The following SUGCT variants were observed in gnomAD, a reference collection of about 807,000 sequenced individuals.
SUGCT encodes the protein succinyl-CoA:glutarate-CoA transferase.
Under a neutral mutation model 55.0 loss-of-function variants are expected in SUGCT, and 41 were observed. The observed-to-expected ratio is 0.74, with a 90% CI of 0.58 to 0.97. SUGCT has a LOEUF of 0.97. Among genes scored for constraint, SUGCT ranks in the 50% least tolerant of loss-of-function variants. The pLI is 0.00. For synonymous variants in SUGCT, 187 were observed against 200.4 expected (o/e 0.93, Z 0.56); for missense variants, 568 against 547.8 (o/e 1.04, Z -0.37).
the SUGCT span, among the ~76,000 whole-genome samples, chr7:40,912,380 C>G: frequency 6.6e-6 from 1 of 152,142 alleles, no homozygotes; most frequent in Non-Finnish European, 1.5e-5. Flanking sequence ...TGTGATTTAT[C>G]TGTTGCTGAG....
intron 12 of SUGCT, among the ~76,000 whole-genome samples, chr7:40,544,456 A>T (rs903097442): frequency 1.3e-5 from 2 of 152,192 alleles, no homozygotes; most frequent in Non-Finnish European, 2.9e-5. Context: ...GGGACTTTCC[A>T]TGTGCATTTT....
intron 9 of SUGCT, among the ~76,000 whole-genome samples, chr7:40,403,535 C>T (rs371530273): frequency 6.6e-6 from 1 of 152,098 alleles, no homozygotes; most frequent in Non-Finnish European, 1.5e-5. Flanking sequence ...CTTTTTAACT[C>T]TCAGTATGTT....
chr7:40,334,574 C>T (rs1796566536), intron 9 of SUGCT, among the ~76,000 whole-genome samples: 1 of 152,098 alleles, frequency 6.6e-6, no homozygotes, highest in Non-Finnish European at 1.5e-5. Flanking sequence ...CTGTTCATAT[C>T]CTTCGCTCAC....
intron 13 of SUGCT, among the ~76,000 whole-genome samples, chr7:40,834,723 G>A (rs1792871948): frequency 1.3e-5 from 2 of 152,154 alleles, no homozygotes; most frequent in Non-Finnish European, 2.9e-5. Flanking sequence ...CCAGAATGAT[G>A]AAAGACTTAT....
At chr7:40,554,316 G>C (rs1171954998) in intron 12 of SUGCT, among the ~76,000 whole-genome samples, 1 of 152,182 alleles carries the variant, frequency 6.6e-6, no homozygotes, top group African/African-American at 2.4e-5. Context: ...AACAGATCTG[G>C]AGAGTTTAGT....
chr7:40,858,047 C>T (rs757281087), intron 13 of SUGCT, among the ~76,000 whole-genome samples: 4 of 152,034 alleles, frequency 2.6e-5, no homozygotes, highest in Non-Finnish European at 4.4e-5. Context: ...ACATTTAAAC[C>T]TCCATTTCCT....
the SUGCT span, among the ~76,000 whole-genome samples, chr7:40,876,547 G>T: frequency 6.6e-6 from 1 of 152,188 alleles, no homozygotes; most frequent in Non-Finnish European, 1.5e-5. Flanking sequence ...TGTATACCAA[G>T]TTGAAAATAT....
At chr7:40,140,363 A>G (rs1323462256) in intron 1 of SUGCT, among the ~76,000 whole-genome samples, 1 of 151,916 alleles carries the variant, frequency 6.6e-6, no homozygotes, top group Non-Finnish European at 1.5e-5. Context: ...ATGTGGGTTT[A>G]TTTCTGGGTT....
intron 8 of SUGCT, among the ~76,000 whole-genome samples, chr7:40,314,216 A>G (rs1795307470): frequency 6.6e-6 from 1 of 152,194 alleles, no homozygotes; most frequent in Non-Finnish European, 1.5e-5. Flanking sequence ...TCTTAGATCA[A>G]TTTAGGATTT....
chr7:40,274,557 C>A lies in SUGCT; in HGVS notation c.621C>A (p.Ala207=). The A allele has an allele frequency of 6.2e-7, 1 of 1,613,622 alleles. No homozygotes were observed. Among genetic ancestry groups the A allele is most frequent in the Non-Finnish European group, 8.5e-7 (1 of 1,179,724 alleles). The change falls in exon 8 of 14, where the codon GCC becomes GCA. Residue 207 remains alanine (A), a synonymous_variant. Transcript: ENST00000335693. ...VRPGVAMTDL[A]TGLYAYGAIM... is the part of the protein sequence containing the mutation. ...CAGGAGTAGCTATGACTGATCTTGC[C>A]ACTGGCCTGTATGCATATGGAGCTA... is the stretch of plus-strand genomic sequence containing the variant.
At chr7:40,267,048 A>AAAG (rs1791634000) in intron 7 of SUGCT, among the ~76,000 whole-genome samples, 1 of 151,906 alleles carries the variant, frequency 6.6e-6, no homozygotes, top group South Asian at 2.1e-4. Flanking sequence ...AAAAAAAAAA[A>AAAG]AGGAAGAAAA....
the SUGCT span, among the ~76,000 whole-genome samples, chr7:40,953,488 C>A: frequency 1.3e-5 from 2 of 152,240 alleles, no homozygotes; most frequent in African/African-American, 4.8e-5. Context: ...TGTTCCATTG[C>A]TGGTGAGGAA....
chr7:40,997,130 C>A, the SUGCT span, among the ~76,000 whole-genome samples: 1 of 152,180 alleles, frequency 6.6e-6, no homozygotes, highest in Admixed American at 6.5e-5. Flanking sequence ...TTTTAAACTG[C>A]CTGCTCCACC....
chr7:40,908,940 TATGGTTTTATTTTTGA>T, the SUGCT span, among the ~76,000 whole-genome samples: 1 of 152,186 alleles, frequency 6.6e-6, no homozygotes, highest in South Asian at 2.1e-4. Flanking sequence ...CCATGGATGG[TATGGTTTTATTTTTGA>T]AAAGTATACA....
the SUGCT span, among the ~76,000 whole-genome samples, chr7:40,879,742 A>G: frequency 8.5e-5 from 13 of 152,190 alleles, no homozygotes; most frequent in African/African-American, 2.2e-4. Flanking sequence ...AAATTTTTAA[A>G]TTTCTGGACC....
At chr7:40,465,981 A>G (rs917489440) in intron 11 of SUGCT, among the ~76,000 whole-genome samples, 1 of 152,208 alleles carries the variant, frequency 6.6e-6, no homozygotes, top group African/African-American at 2.4e-5. Flanking sequence ...TCCTAGGCTC[A>G]CGTAATCCTC....
intron 6 of SUGCT, among the ~76,000 whole-genome samples, chr7:40,210,613 G>A (rs77551574): frequency 0.11 from 16,797 of 152,082 alleles, 1,049 homozygotes; most frequent in Middle Eastern, 0.18. Context: ...AGAAGGGTGA[G>A]CCCTTACAGA....
At chr7:40,542,889 G>T (rs1794774990) in intron 12 of SUGCT, among the ~76,000 whole-genome samples, 1 of 152,132 alleles carries the variant, frequency 6.6e-6, no homozygotes, top group Non-Finnish European at 1.5e-5. Flanking sequence ...CTATAAGGTA[G>T]GATTATGAGT....
chr7:40,274,767 C>A, intron 8 of SUGCT, 111 bp downstream of exon 8: 2 of 964,754 alleles, frequency 2.1e-6, no homozygotes, highest in Non-Finnish European at 3.2e-6. Context: ...AAAACCAACA[C>A]AACAACACTG....
Sources: gnomAD v4.1 joint callset for allele counts (sites outside exome capture counted in the v4.1 genomes callset) on GRCh38, gnomAD v4.1.1 for gene constraint, MANE v1.5 for transcripts, NCBI Gene and HGNC (gene_info 2026-07-23, HGNC 2026-07-21) for gene names.